GEMIN2: variants seen among roughly 807,000 people sequenced by gnomAD.
GEMIN2 encodes the protein gem nuclear organelle associated protein 2, also known as gem-associated protein 2.
A neutral mutation model predicts 45.8 loss-of-function variants in GEMIN2; 37 were observed. That is an observed-to-expected ratio of 0.81 (90% CI 0.62 to 1.06). The LOEUF (loss-of-function observed/expected upper bound fraction) is 1.06. GEMIN2 is among the 50% of genes least tolerant of loss of function. The pLI is 0.00. For synonymous variants in GEMIN2, 101 were observed against 111.5 expected, an observed-to-expected ratio of 0.91 and a Z score of 0.60; for missense variants, 335 against 321.8, an observed-to-expected ratio of 1.04 and a Z score of -0.31.
intron 4 of GEMIN2, 23 bp from the exon 5 acceptor site, chr14:39,122,407 C>CA: frequency 9.1e-7 from 1 of 1,101,046 alleles, no homozygotes. Flanking sequence ...AGGAATAAAT[C>CA]AGTTTTTTTT....
intron 4 of GEMIN2, chr14:39,121,879 ATT>A (rs34187098): frequency 6.6e-4 from 102 of 155,238 alleles, no homozygotes; most frequent in South Asian, 2.0e-3. Context: ...CATCCGGCTA[ATT>A]TTTTTTTTTT....
intron 4 of GEMIN2, among the ~76,000 whole-genome samples, chr14:39,120,958 G>T (rs983146799): frequency 6.6e-6 from 1 of 152,196 alleles, no homozygotes; most frequent in African/African-American, 2.4e-5. Flanking sequence ...ACAAACAAAG[G>T]TTATTTTGTT....
chr14:39,131,501 G>A (rs527621006), intron 7 of GEMIN2, among the ~76,000 whole-genome samples: 53 of 152,226 alleles, frequency 3.5e-4, no homozygotes, highest in Non-Finnish European at 6.9e-4. Flanking sequence ...GCCTGTCAAA[G>A]TATTTATAAA....
intron 4 of GEMIN2, among the ~76,000 whole-genome samples, chr14:39,119,211 T>A (rs538197974): frequency 6.6e-6 from 1 of 152,146 alleles, no homozygotes; most frequent in East Asian, 1.9e-4. Flanking sequence ...ACAAAAAAAA[T>A]TGAATAAAGC....
At chr14:39,127,501 C>G (rs1030997474) in intron 6 of GEMIN2, among the ~76,000 whole-genome samples, 2 of 151,788 alleles carry the variant, frequency 1.3e-5, no homozygotes, top group South Asian at 4.2e-4. Flanking sequence ...CACCACCATG[C>G]CCGGCTAATT....
intron 2 of GEMIN2, 61 bp downstream of exon 2, chr14:39,114,974 T>C (rs988547614): frequency 7.5e-6 from 6 of 800,910 alleles, no homozygotes; most frequent in Non-Finnish European, 1.4e-5. Context: ...ACTAACGCTC[T>C]TCCTATAGTA....
At chr14:39,133,346 C>A (rs2052745126) in intron 8 of GEMIN2, among the ~76,000 whole-genome samples, 1 of 148,376 alleles carries the variant, frequency 6.7e-6, no homozygotes, top group African/African-American at 2.5e-5. Flanking sequence ...CATCACTGTA[C>A]AGTTAAGACA....
chr14:39,115,046 G>T (rs2052483926), intron 2 of GEMIN2, 133 bp downstream of exon 2: 1 of 622,458 alleles, frequency 1.6e-6, no homozygotes, highest in South Asian at 1.9e-5. Context: ...ACATTCGCTT[G>T]TACTTTTTCC....
intron 7 of GEMIN2, among the ~76,000 whole-genome samples, chr14:39,128,827 C>G (rs550942168): frequency 2.0e-5 from 3 of 151,974 alleles, no homozygotes; most frequent in African/African-American, 7.2e-5. Flanking sequence ...TAAATAGAGA[C>G]GAGGTCTCAC....
chr14:39,134,133 T>G (rs2139361373), intron 9 of GEMIN2: 1 of 153,174 alleles, frequency 6.5e-6, no homozygotes, highest in Non-Finnish European at 1.5e-5. Context: ...CCTGCGTTCA[T>G]TTTCAGTTGT....
intron 9 of GEMIN2, 115 bp downstream of exon 9, chr14:39,133,834 C>A: frequency 1.7e-6 from 1 of 578,600 alleles, no homozygotes; most frequent in Non-Finnish European, 3.0e-6. Flanking sequence ...CACTCTGTTG[C>A]TATAGTTAGG....
chr14:39,117,584 T>C (rs563274250), intron 2 of GEMIN2, among the ~76,000 whole-genome samples: 1 of 152,346 alleles, frequency 6.6e-6, no homozygotes, highest in African/African-American at 2.4e-5. Context: ...CTGTAGTCAC[T>C]CTACTGTGCT....
chr14:39,135,391 G>C (rs1230575330), intron 9 of GEMIN2, among the ~76,000 whole-genome samples: 1 of 151,952 alleles, frequency 6.6e-6, no homozygotes, highest in East Asian at 1.9e-4. Flanking sequence ...TTCAAGACTA[G>C]CCTGGCCAAC....
At position 39,133,766 on chromosome 14, in the gene GEMIN2, G is replaced by A. The variant is rs8006392; in HGVS notation, c.770+47G>A. On this transcript the variant is annotated intron_variant, in intron 9 of 9. Transcript: ENST00000308317. ...TTTATTATTTATCAGTGAGGTCAGTGAGGTTAGATCGTATTTATTACATTT... is the reference window on the plus strand; with the variant it reads ...TTTATTATTTATCAGTGAGGTCAGTAAGGTTAGATCGTATTTATTACATTT... 3,676 of 1,031,382 alleles carry A rather than the reference G, an allele frequency of 3.6e-3. 85 individuals carry two copies. The African/African-American group carries it at 0.051, about 14-fold the overall frequency. 63.9% of individuals were successfully genotyped at this position (1,031,382 alleles called of 1,614,324 possible).
chr14:39,134,626 A>C (rs1030559929), intron 9 of GEMIN2, among the ~76,000 whole-genome samples: 17 of 151,750 alleles, frequency 1.1e-4, no homozygotes, highest in African/African-American at 4.1e-4. Context: ...TATGCTGCTG[A>C]TGATAATTAA....
chr14:39,134,020 C>T (rs1287920094), intron 9 of GEMIN2: 4 of 176,318 alleles, frequency 2.3e-5, no homozygotes, highest in Non-Finnish European at 4.7e-5. Context: ...GGTCTCAAAA[C>T]TCCTGGGCTC....
At chr14:39,122,120 G>A (rs1246242218) in intron 4 of GEMIN2, 2 of 243,130 alleles carry the variant, frequency 8.2e-6, no homozygotes, top group East Asian at 1.1e-4. Flanking sequence ...GGAGTCCCTG[G>A]TGTCTCTTTG....
At chr14:39,130,470 A>T (rs1162992408) in intron 7 of GEMIN2, among the ~76,000 whole-genome samples, 1 of 152,216 alleles carries the variant, frequency 6.6e-6, no homozygotes, top group South Asian at 2.1e-4. Flanking sequence ...ATGAATATAC[A>T]TACCCTTTGT....
At chr14:39,122,731 A>T (rs961590258) in intron 5 of GEMIN2, 188 bp downstream of exon 5, 5 of 415,656 alleles carry the variant, frequency 1.2e-5, no homozygotes, top group East Asian at 3.7e-5. Flanking sequence ...CTGAGACTTT[A>T]TGTGGCCTGC....
Sources: allele counts gnomAD v4.1 joint callset (sites outside exome capture counted in the v4.1 genomes callset), GRCh38; gene constraint gnomAD v4.1.1; transcripts MANE v1.5; gene names NCBI Gene and HGNC (gene_info 2026-07-23, HGNC 2026-07-21).